The following CDKAL1 variants were observed in gnomAD, a reference collection of about 807,000 sequenced individuals.
The protein encoded by CDKAL1 is threonylcarbamoyladenosine tRNA methylthiotransferase.
CDKAL1 carries 32 observed loss-of-function variants against 68.2 expected under a neutral mutation model. The observed-to-expected ratio is 0.47, with a 90% confidence interval of 0.35 to 0.63. CDKAL1 has a LOEUF of 0.63. CDKAL1 is among the 30% of genes least tolerant of loss of function. The pLI is 0.00. For missense variants in CDKAL1, 606 were observed against 696.7 expected (o/e 0.87, Z 1.47); for synonymous variants, 234 against 244.3 (o/e 0.96, Z 0.39).
chr6:21,122,829 G>A (rs1184907060), intron 13 of CDKAL1, among the ~76,000 whole-genome samples: 1 of 136,746 alleles, frequency 7.3e-6, no homozygotes, highest in African/African-American at 2.9e-5. Flanking sequence ...TTTTTTGGTA[G>A]GGGGAGGGTC....
In CDKAL1 at chr6:20,996,766, A is replaced by G. The variant is rs72834340; in HGVS notation, c.910-3461A>G. 2.7e-3 allele frequency among the ~76,000 whole-genome samples: 412 copies of G among 152,372 alleles called. 1 individual carries two copies. Among genetic ancestry groups the G allele is most frequent in the Non-Finnish European group, 4.8e-3 (329 of 68,036 alleles). On this transcript the variant is annotated intron_variant, in intron 10 of 15. Coordinates refer to ENST00000274695, the MANE Select transcript of CDKAL1 (RefSeq NM_017774.3). Reference sequence around the variant, plus strand: ...CTGTTGAAAAAATTTGCCAGTGCACATGCTTGACACAGGGTTGCCACAAAC... The same window carrying G: ...CTGTTGAAAAAATTTGCCAGTGCACGTGCTTGACACAGGGTTGCCACAAAC...
chr6:20,953,009 G>A (rs1021028569), intron 9 of CDKAL1, among the ~76,000 whole-genome samples: 1 of 152,204 alleles, frequency 6.6e-6, no homozygotes. Flanking sequence ...TTTTTGAATT[G>A]AATTGGCAAA....
intron 11 of CDKAL1, among the ~76,000 whole-genome samples, chr6:21,037,033 C>A (rs1185865391): frequency 6.6e-6 from 1 of 152,088 alleles, no homozygotes; most frequent in African/African-American, 2.4e-5. Flanking sequence ...GATGTATCTT[C>A]TAGAACATTG....
chr6:20,632,205 C>A (rs1489439104), intron 4 of CDKAL1, among the ~76,000 whole-genome samples: 2 of 152,118 alleles, frequency 1.3e-5, no homozygotes, highest in Non-Finnish European at 2.9e-5. Flanking sequence ...CTTAAATTAG[C>A]CTATAATTGG....
chr6:20,781,318 A>T, intron 8 of CDKAL1, 53 bp downstream of exon 8: 2 of 1,498,600 alleles, frequency 1.3e-6, no homozygotes, highest in Non-Finnish European at 1.8e-6. Context: ...TCATGAATTC[A>T]GTTTTTTTTT....
At chr6:20,842,270 T>C (rs1778202050) in intron 8 of CDKAL1, among the ~76,000 whole-genome samples, 1 of 152,228 alleles carries the variant, frequency 6.6e-6, no homozygotes, top group African/African-American at 2.4e-5. Context: ...CTGTGTATTA[T>C]AACAAATCTC....
At chr6:21,097,110 G>A (rs1773355059) in intron 12 of CDKAL1, among the ~76,000 whole-genome samples, 1 of 152,132 alleles carries the variant, frequency 6.6e-6, no homozygotes, top group African/African-American at 2.4e-5. Context: ...GTATTCAAAG[G>A]GGCAGGGAGG....
chr6:20,900,274 C>G (rs902891770), intron 9 of CDKAL1, among the ~76,000 whole-genome samples: 1 of 152,182 alleles, frequency 6.6e-6, no homozygotes, highest in Admixed American at 6.5e-5. Flanking sequence ...TATTCTAAAG[C>G]TAATTTCTGA....
chr6:20,973,426 G>T (rs1185894708), intron 10 of CDKAL1, among the ~76,000 whole-genome samples: 1 of 152,176 alleles, frequency 6.6e-6, no homozygotes, highest in Non-Finnish European at 1.5e-5. Context: ...TGAGCGGGGA[G>T]TGAAGTAGGA....
intron 9 of CDKAL1, among the ~76,000 whole-genome samples, chr6:20,950,384 A>G (rs1204724701): frequency 6.6e-6 from 1 of 152,080 alleles, no homozygotes; most frequent in Admixed American, 6.5e-5. Flanking sequence ...TTGGCCTCCC[A>G]AAGTGCTGAG....
intron 9 of CDKAL1, among the ~76,000 whole-genome samples, chr6:20,875,191 C>T (rs933039550): frequency 3.3e-5 from 5 of 149,462 alleles, no homozygotes; most frequent in East Asian, 2.0e-4. Context: ...CCCAGCTACT[C>T]GGGAGGCTGA....
chr6:20,914,347 A>C (rs1762623435), intron 9 of CDKAL1, among the ~76,000 whole-genome samples: 3 of 152,154 alleles, frequency 2.0e-5, no homozygotes. Context: ...TTTTCTCAGA[A>C]AGGTCTTGCC....
intron 4 of CDKAL1, among the ~76,000 whole-genome samples, chr6:20,605,770 A>G (rs1316192364): frequency 6.6e-6 from 1 of 152,140 alleles, no homozygotes; most frequent in African/African-American, 2.4e-5. Context: ...ACTGGCTGGT[A>G]AGAACAGGCA....
intron 11 of CDKAL1, among the ~76,000 whole-genome samples, chr6:21,050,938 C>T (rs1770506771): frequency 6.6e-6 from 1 of 152,164 alleles, no homozygotes. Context: ...TGTTATAAGT[C>T]TACTGTGAAA....
chr6:20,683,562 T>C (rs1278831740), intron 5 of CDKAL1, among the ~76,000 whole-genome samples: 1 of 152,190 alleles, frequency 6.6e-6, no homozygotes, highest in Non-Finnish European at 1.5e-5. Context: ...AGATTTTATT[T>C]TTTAGAGCAG....
chr6:21,109,636 G>C (rs938874056), intron 13 of CDKAL1, among the ~76,000 whole-genome samples: 1 of 152,208 alleles, frequency 6.6e-6, no homozygotes, highest in Non-Finnish European at 1.5e-5. Flanking sequence ...GCAGCAATTT[G>C]TTTGAAAGAG....
chr6:20,979,648 C>T lies in CDKAL1; in HGVS notation c.910-20579C>T, dbSNP rs550096607. On this transcript the variant is annotated intron_variant, in intron 10 of 15. Transcript: ENST00000274695. ...AATGGAAAGAGTCTAAGTCTGGGAG[C>T]GGAGTGCGGCCGACGAAGTCCAGAC... Among the ~76,000 whole-genome samples the T allele has an allele frequency of 9.2e-4, 140 of 152,042 alleles. 1 individual carries two copies. The Middle Eastern group carries it at 0.01, about 11-fold the overall frequency.
At chr6:20,909,803 G>A (rs1237225524) in intron 9 of CDKAL1, among the ~76,000 whole-genome samples, 1 of 152,102 alleles carries the variant, frequency 6.6e-6, no homozygotes, top group Admixed American at 6.5e-5. Context: ...AAGGCATGGT[G>A]CCAGGAGGGA....
chr6:20,626,694 G>A lies in CDKAL1; in HGVS notation c.287-22599G>A, dbSNP rs112520467. ...CTGCCAACATTGACTTAGCTGCTCT[G>A]TAATGGCAGGGCTATTGTTCTGTAA... is the stretch of plus-strand genomic sequence containing the variant. On this transcript the variant is annotated intron_variant, in intron 4 of 15. Transcript: ENST00000274695. Among the ~76,000 whole-genome samples, 856 of 152,266 alleles carry A rather than the reference G, an allele frequency of 5.6e-3. 7 individuals are homozygous for A. The highest frequency in any genetic ancestry group is 0.023 in the South Asian group (113 of 4,828).
Sources: gnomAD v4.1 joint callset for allele counts (sites outside exome capture counted in the v4.1 genomes callset) on GRCh38, gnomAD v4.1.1 for gene constraint, MANE v1.5 for transcripts, NCBI Gene and HGNC (gene_info 2026-07-23, HGNC 2026-07-21) for gene names.